The following SPICE1 variants were observed in gnomAD, a reference collection of about 807,000 sequenced individuals.
SPICE1 encodes spindle and centriole associated protein 1.
Under a neutral mutation model 102.7 loss-of-function variants are expected in SPICE1, and 75 were observed. The observed-to-expected ratio is 0.73, with a 90% CI of 0.61 to 0.88. The LOEUF (loss-of-function observed/expected upper bound fraction) is 0.88. SPICE1 is among the 40% of genes least tolerant of loss of function. The probability of loss-of-function intolerance (pLI) is 0.00; values close to 1 mark genes in which losing one functional copy is unlikely to be tolerated. For missense variants in SPICE1, 979 were observed against 1,020.1 expected (o/e 0.96, Z 0.55); for synonymous variants, 308 against 350.3 (o/e 0.88, Z 1.35).
intron 4 of SPICE1, among the ~76,000 whole-genome samples, chr3:113,495,667 A>T (rs1165687789): frequency 1.3e-5 from 2 of 152,246 alleles, no homozygotes; most frequent in Non-Finnish European, 2.9e-5. Context: ...AAATTATATT[A>T]TCCCACAAAC....
rs1935715599 is a variant in SPICE1 at position 113,453,772 on chromosome 3, A to G, written c.1836T>C (p.Asp612=). The part of the protein sequence containing the change: ...QRWRVSHMGE[D]LENKTQAPFV... ...AAGGAGCCTGAGTTTTGTTCTCCAA[A>G]TCTTCTCCCATGTGAGAGACTCTCC... is the stretch of plus-strand genomic sequence containing the variant. The change falls in exon 14 of 18, where the codon GAT becomes GAC. Residue 612 remains aspartate, a synonymous_variant. Transcript: ENST00000295872. 10 of 1,613,962 alleles carry G rather than the reference A, an allele frequency of 6.2e-6. No homozygotes were observed. The highest frequency in any genetic ancestry group is 1.7e-5 in the Admixed American group (1 of 59,984).
At chr3:113,471,842 A>G (rs553574182) in intron 7 of SPICE1, among the ~76,000 whole-genome samples, 1 of 152,314 alleles carries the variant, frequency 6.6e-6, no homozygotes, top group Non-Finnish European at 1.5e-5. Flanking sequence ...GCTCCGGTCT[A>G]CAGCTCCCAG....
intron 7 of SPICE1, among the ~76,000 whole-genome samples, chr3:113,473,285 G>A (rs572989507): frequency 6.6e-6 from 1 of 152,190 alleles, no homozygotes; most frequent in African/African-American, 2.4e-5. Context: ...ATGGGACTAT[G>A]TGAAAAGACC....
chr3:113,475,556 T>C lies in SPICE1; in HGVS notation c.612-6318A>G, dbSNP rs983746705. Among the ~76,000 whole-genome samples, 339 of 152,122 alleles carry C rather than the reference T, an allele frequency of 2.2e-3. 3 individuals carry two copies. Among genetic ancestry groups the C allele is most frequent in the Non-Finnish European group, 3.7e-3 (254 of 67,994 alleles). On this transcript the variant is annotated intron_variant, in intron 7 of 17. Transcript: ENST00000295872. ...CTCAATAAAATACTGGCAAACCGAA[T>C]CCAGCAGCACATCAAAAAGTTTATC...
Position 113,512,570 on chromosome 3 carries a change from G to A in SPICE1, c.-1+2327C>T, listed in dbSNP as rs984781082. On this transcript the variant is annotated intron_variant, in intron 1 of 17. Coordinates refer to ENST00000295872, the MANE Select transcript of SPICE1 (RefSeq NM_144718.4). ...ATTACAGGCGCTTGCCACCATGCCC[G>A]GCTAACTTTTGTATTTTTAGTAGAA... 5.9e-5 allele frequency among the ~76,000 whole-genome samples: 9 copies of A among 151,954 alleles called. No homozygotes were observed. In the East Asian group the frequency reaches 1.4e-3, roughly 23 times the overall value.
rs561605073 is a variant in SPICE1 at position 113,481,686 on chromosome 3, T to C, written c.611+7259A>G. On this transcript the variant is annotated intron_variant, in intron 7 of 17. Coordinates refer to ENST00000295872, the MANE Select transcript of SPICE1 (RefSeq NM_144718.4). ...CACAGTGTTTGGTTTTCTGTTCTTA[T>C]GTTAGTTTGCTGAGAATTATGGTTT... Among the ~76,000 whole-genome samples the C allele has an allele frequency of 3.0e-4, 45 of 152,210 alleles. No homozygotes were observed. In the South Asian group the frequency reaches 7.7e-3, roughly 26 times the overall value.
intron 4 of SPICE1, among the ~76,000 whole-genome samples, chr3:113,495,585 T>C (rs973794839): frequency 1.3e-5 from 2 of 152,052 alleles, no homozygotes; most frequent in Non-Finnish European, 2.9e-5. Context: ...CCCACAGGGG[T>C]GGTAGATGGA....
intron 8 of SPICE1, 89 bp from the exon 9 acceptor site, chr3:113,468,988 C>A: frequency 6.4e-7 from 1 of 1,561,070 alleles, no homozygotes; most frequent in South Asian, 1.2e-5. Flanking sequence ...GTATTTTAGT[C>A]AATTAGGCAA....
At chr3:113,485,446 A>G (rs1158195495) in intron 7 of SPICE1, among the ~76,000 whole-genome samples, 1 of 152,190 alleles carries the variant, frequency 6.6e-6, no homozygotes, top group Non-Finnish European at 1.5e-5. Flanking sequence ...TTACACTCAC[A>G]GTGTAAACAA....
rs1559972346 is a variant in SPICE1, at chr3:113,491,646, A to AAAAAAAAAAAAAT, written c.492+1559_492+1560insATTTTTTTTTTTT. ...TCTCAAAAAAAAAAAAAAAAAAAAAAAAAGATTATCTATAGCAACACCAAT... is the reference window on the plus strand; with the variant it reads ...TCTCAAAAAAAAAAAAAAAAAAAAAAAAAAAAAAAAAATAAAGATTATCTATAGCAACACCAAT... On this transcript the variant is annotated intron_variant, in intron 6 of 17. Transcript: ENST00000295872. 6.0e-5 allele frequency among the ~76,000 whole-genome samples: 9 copies of AAAAAAAAAAAAAT among 150,388 alleles called. 1 individual carries two copies. The highest frequency in any genetic ancestry group is 2.0e-4 in the African/African-American group (8 of 40,404).
intron 1 of SPICE1, 78 bp from the exon 2 acceptor site, chr3:113,506,683 G>GA (rs959287185): frequency 0.056 from 44,486 of 800,272 alleles, no homozygotes; most frequent in South Asian, 0.075. Flanking sequence ...GAAGACACCT[G>GA]AAAAAAAAAA....
intron 14 of SPICE1, among the ~76,000 whole-genome samples, chr3:113,452,591 G>A (rs1168449049): frequency 1.3e-5 from 2 of 152,200 alleles, no homozygotes; most frequent in Non-Finnish European, 2.9e-5. Context: ...GGCTGAGGCA[G>A]CAGAATCGCT....
chr3:113,507,398 C>A (rs1937133227), intron 1 of SPICE1, among the ~76,000 whole-genome samples: 1 of 152,044 alleles, frequency 6.6e-6, no homozygotes, highest in Non-Finnish European at 1.5e-5. Context: ...CACTTTTAAC[C>A]TACCTAAATA....
intron 10 of SPICE1, among the ~76,000 whole-genome samples, chr3:113,466,917 C>T (rs1936071467): frequency 6.6e-6 from 1 of 151,744 alleles, no homozygotes; most frequent in African/African-American, 2.4e-5. Context: ...GGTGTGGTGG[C>T]ATGCACCTGT....
chr3:113,505,694 A>C (rs1576650630), intron 2 of SPICE1, among the ~76,000 whole-genome samples: 1 of 152,136 alleles, frequency 6.6e-6, no homozygotes, highest in Non-Finnish European at 1.5e-5. Flanking sequence ...TGAGGCTAGG[A>C]GTTTAAGACC....
chr3:113,463,992 C>A (rs1057326863), intron 11 of SPICE1, among the ~76,000 whole-genome samples: 1 of 151,730 alleles, frequency 6.6e-6, no homozygotes, highest in East Asian at 1.9e-4. Context: ...GGCGTGAACA[C>A]GAGAGGCAGA....
intron 7 of SPICE1, among the ~76,000 whole-genome samples, chr3:113,471,068 TTGAAA>T (rs1384885901): frequency 1.3e-5 from 2 of 152,156 alleles, no homozygotes; most frequent in African/African-American, 4.8e-5. Context: ...GATTTTGAAC[TTGAAA>T]TGAAGCTGAA....
chr3:113,464,281 G>A (rs1171941977), intron 11 of SPICE1, among the ~76,000 whole-genome samples: 1 of 149,222 alleles, frequency 6.7e-6, no homozygotes, highest in African/African-American at 2.5e-5. Flanking sequence ...TTTAGAGACA[G>A]GGTCTCACTC....
chr3:113,514,151 C>A (rs1937278605), intron 1 of SPICE1, among the ~76,000 whole-genome samples: 1 of 152,126 alleles, frequency 6.6e-6, no homozygotes, highest in Non-Finnish European at 1.5e-5. Context: ...GTTCAATTAA[C>A]AAAGATCTGA....
Sources: allele counts gnomAD v4.1 joint callset (sites outside exome capture counted in the v4.1 genomes callset), GRCh38; gene constraint gnomAD v4.1.1; transcripts MANE v1.5; gene names NCBI Gene and HGNC (gene_info 2026-07-23, HGNC 2026-07-21).